PSMD1: variants seen among roughly 807,000 people sequenced by gnomAD.
The protein encoded by PSMD1 is 26S proteasome non-ATPase regulatory subunit 1.
A neutral mutation model predicts 119.0 loss-of-function variants in PSMD1; 18 were observed. That is an observed-to-expected ratio of 0.15 (90% CI 0.10 to 0.22). The LOEUF (loss-of-function observed/expected upper bound fraction) is 0.22. Ranked by LOEUF, PSMD1 falls within the 10% of genes least tolerant of loss-of-function variation. The probability of loss-of-function intolerance (pLI) is 1.00; values close to 1 mark genes in which losing one functional copy is unlikely to be tolerated. For missense variants in PSMD1, 702 were observed against 1,158.5 expected, an observed-to-expected ratio of 0.61 and a Z score of 5.72; for synonymous variants, 374 against 396.6, an observed-to-expected ratio of 0.94 and a Z score of 0.68.
chr2:231,113,406 A>G lies in PSMD1; in HGVS notation c.1884-25330A>G, dbSNP rs974751334. ...GATTCCAAATGCTAGCTAGACCATA[A>G]TTATCTGTTGGGAAATATGAAGACT... is the stretch of plus-strand genomic sequence containing the variant. On this transcript the variant is annotated intron_variant, in intron 16 of 24. Transcript: ENST00000308696. Among the ~76,000 whole-genome samples, 5 of 152,320 alleles carry G rather than the reference A, an allele frequency of 3.3e-5. No homozygotes were observed. In the East Asian group the frequency reaches 5.8e-4, roughly 18 times the overall value.
chr2:231,159,100 T>G (rs1696575119), intron 19 of PSMD1, among the ~76,000 whole-genome samples: 1 of 152,132 alleles, frequency 6.6e-6, no homozygotes. Flanking sequence ...AATGTGAAGA[T>G]GCCTATAAAA....
chr2:231,105,250 G>T (rs183463047), intron 16 of PSMD1, among the ~76,000 whole-genome samples: 70 of 152,210 alleles, frequency 4.6e-4, no homozygotes, highest in African/African-American at 1.6e-3. Context: ...TTGCTTAATT[G>T]AAATGAACAT....
intron 16 of PSMD1, among the ~76,000 whole-genome samples, chr2:231,119,995 C>G (rs1340949501): frequency 3.3e-5 from 5 of 150,838 alleles, no homozygotes; most frequent in Admixed American, 2.0e-4. Flanking sequence ...CCCCGTCACC[C>G]AGGCTGGAGT....
At chr2:231,158,358 G>C (rs1334052380) in intron 19 of PSMD1, among the ~76,000 whole-genome samples, 4 of 151,958 alleles carry the variant, frequency 2.6e-5, no homozygotes, top group Non-Finnish European at 5.9e-5. Flanking sequence ...ATCTAGAGAG[G>C]GCAACTTCAA....
chr2:231,109,889 T>C (rs1318864441), intron 16 of PSMD1, among the ~76,000 whole-genome samples: 1 of 152,248 alleles, frequency 6.6e-6, no homozygotes, highest in African/African-American at 2.4e-5. Flanking sequence ...TTTTTCCTTT[T>C]GATATGTGTG....
At chr2:231,104,689 A>T (rs1280271878) in intron 16 of PSMD1, among the ~76,000 whole-genome samples, 1 of 152,174 alleles carries the variant, frequency 6.6e-6, no homozygotes, top group East Asian at 1.9e-4. Context: ...ATAAAGCTAA[A>T]TACTGAGATT....
intron 5 of PSMD1, among the ~76,000 whole-genome samples, chr2:231,069,188 TAAAAA>T (rs547758033): frequency 6.9e-6 from 1 of 144,174 alleles, no homozygotes; most frequent in East Asian, 2.0e-4. Flanking sequence ...AAAAATGTTT[TAAAAA>T]AAAAAAAGCA....
At chr2:231,057,131 C>T (rs1167190996) in intron 1 of PSMD1, 90 bp downstream of exon 1, 11 of 1,398,006 alleles carry the variant, frequency 7.9e-6, no homozygotes, top group Non-Finnish European at 9.2e-6. Flanking sequence ...GGGCGCCTCC[C>T]GGCGGAACGC....
chr2:231,160,966 T>A (rs1400229954), intron 19 of PSMD1, among the ~76,000 whole-genome samples: 1 of 152,036 alleles, frequency 6.6e-6, no homozygotes, highest in Non-Finnish European at 1.5e-5. Context: ...ATCCCAAGAC[T>A]TTGGGAGGCT....
In PSMD1 at chr2:231,120,242, G is replaced by A. The variant is rs145006541; in HGVS notation, c.1884-18494G>A. Among the ~76,000 whole-genome samples, 313 of 152,272 alleles carry A rather than the reference G, an allele frequency of 2.1e-3. 1 individual carries two copies. The highest frequency in any genetic ancestry group is 7.1e-3 in the African/African-American group (297 of 41,564). ...GCTGGGGTTACAGGCATGAGCCACC[G>A]TGCCCAGCCTCCCCTGTTACTTTTT... On this transcript the variant is annotated intron_variant, in intron 16 of 24. Coordinates refer to ENST00000308696, the MANE Select transcript of PSMD1 (RefSeq NM_002807.4).
At chr2:231,140,495 CAAAA>C (rs766658246) in intron 17 of PSMD1, among the ~76,000 whole-genome samples, 2 of 48,470 alleles carry the variant, frequency 4.1e-5, no homozygotes, top group African/African-American at 1.3e-4. Context: ...GACTCCATCT[CAAAA>C]AAAAAAAAAA....
chr2:231,103,327 G>A lies in PSMD1; in HGVS notation c.1883+16146G>A, dbSNP rs568432064. 8.5e-5 allele frequency among the ~76,000 whole-genome samples: 13 copies of A among 152,098 alleles called. No homozygotes were observed. The South Asian group carries it at 2.1e-3, about 24-fold the overall frequency. On this transcript the variant is annotated intron_variant, in intron 16 of 24. Transcript: ENST00000308696. ...TGCCAACTTTTTCATAAAGACTCTA[G>A]ACAATTTTCACAAAATCCTTATGAC...
In PSMD1 at chr2:231,088,270, T is replaced by C. The variant is rs141869337; in HGVS notation, c.1883+1089T>C. ...TAGTATTAATAGATGTAATAGTAGT[T>C]CTTCCAGTAATTCATTACTGTCTAC... is the stretch of plus-strand genomic sequence containing the variant. On this transcript the variant is annotated intron_variant, in intron 16 of 24. Coordinates refer to ENST00000308696, the MANE Select transcript of PSMD1 (RefSeq NM_002807.4). Among the ~76,000 whole-genome samples the C allele has an allele frequency of 2.0e-3, 306 of 152,308 alleles. 2 individuals are homozygous for C. Among genetic ancestry groups the C allele is most frequent in the Admixed American group, 3.6e-3 (55 of 15,298 alleles).
chr2:231,118,942 C>T (rs1387361411), intron 16 of PSMD1, among the ~76,000 whole-genome samples: 1 of 152,124 alleles, frequency 6.6e-6, no homozygotes, highest in African/African-American at 2.4e-5. Context: ...ATACATTTAT[C>T]TCAGAAATTC....
At chr2:231,091,005 T>G (rs1694575975) in intron 16 of PSMD1, among the ~76,000 whole-genome samples, 1 of 152,170 alleles carries the variant, frequency 6.6e-6, no homozygotes, top group Admixed American at 6.5e-5. Context: ...ACTTTTTGGG[T>G]CTGACCTGCA....
intron 19 of PSMD1, among the ~76,000 whole-genome samples, chr2:231,154,382 C>T (rs373802283): frequency 6.6e-6 from 1 of 152,158 alleles, no homozygotes; most frequent in African/African-American, 2.4e-5. Context: ...TGCAGTGAAC[C>T]GAGATTGCTC....
intron 16 of PSMD1, chr2:231,123,872 A>G: frequency 1.1e-6 from 1 of 894,462 alleles, no homozygotes; most frequent in Non-Finnish European, 1.9e-6. Context: ...CAAACACTCA[A>G]AAGCCAAAGT....
At chr2:231,128,302 A>T (rs533576421) in intron 16 of PSMD1, among the ~76,000 whole-genome samples, 2 of 152,334 alleles carry the variant, frequency 1.3e-5, no homozygotes, top group South Asian at 4.1e-4. Context: ...AAACAAGTAT[A>T]TTGGTAACTA....
At chr2:231,158,648 C>T (rs1696565492) in intron 19 of PSMD1, among the ~76,000 whole-genome samples, 1 of 152,216 alleles carries the variant, frequency 6.6e-6, no homozygotes, top group Non-Finnish European at 1.5e-5. Flanking sequence ...TCTTCTGCCC[C>T]TCCCCAGTCT....
Sources: allele counts gnomAD v4.1 joint callset (sites outside exome capture counted in the v4.1 genomes callset), GRCh38; gene constraint gnomAD v4.1.1; transcripts MANE v1.5; gene names NCBI Gene and HGNC (gene_info 2026-07-23, HGNC 2026-07-21).